The following STMN4 variants were observed in gnomAD, a reference collection of about 807,000 sequenced individuals.
The protein encoded by STMN4 is stathmin 4, also known as stathmin-4.
Under a neutral mutation model 29.1 loss-of-function variants are expected in STMN4, and 12 were observed. The ratio of observed to expected loss-of-function variants is 0.41; its 90% CI spans 0.26 to 0.67. STMN4 has a LOEUF of 0.67. STMN4 is among the 30% of genes least tolerant of loss of function. The pLI, the probability that STMN4 is intolerant of heterozygous loss-of-function variation, is 0.30. For missense variants in STMN4, 181 were observed against 262.8 expected (o/e 0.69, Z 2.15); for synonymous variants, 114 against 105.3 (o/e 1.08, Z -0.51).
At chr8:27,249,525 G>A (rs1270438011) in intron 1 of STMN4, among the ~76,000 whole-genome samples, 4 of 152,182 alleles carry the variant, frequency 2.6e-5, no homozygotes, top group Non-Finnish European at 4.4e-5. Flanking sequence ...CTGAGGTCAC[G>A]CAGAGAACTC....
chr8:27,253,347 C>T (rs775991825), intron 1 of STMN4, among the ~76,000 whole-genome samples: 22 of 152,154 alleles, frequency 1.4e-4, no homozygotes, highest in Non-Finnish European at 2.4e-4. Context: ...CTATATTTCA[C>T]TACATTAAGA....
At chr8:27,239,015 C>G (rs1333312611) in intron 6 of STMN4, among the ~76,000 whole-genome samples, 1 of 152,256 alleles carries the variant, frequency 6.6e-6, no homozygotes, top group Non-Finnish European at 1.5e-5. Flanking sequence ...CGACCCAGAT[C>G]ACCTCCCTCC....
At chr8:27,247,456 T>A (rs1193345789) in intron 1 of STMN4, among the ~76,000 whole-genome samples, 1 of 152,156 alleles carries the variant, frequency 6.6e-6, no homozygotes, top group African/African-American at 2.4e-5. Flanking sequence ...TCTTTGCCAC[T>A]GGGTGGCGCC....
chr8:27,243,911 C>T (rs1801550073), intron 1 of STMN4, 110 bp from the exon 2 acceptor site: 6 of 987,468 alleles, frequency 6.1e-6, no homozygotes, highest in South Asian at 1.6e-5. Context: ...CTCATTTGCT[C>T]TTCCTCCAGG....
At chr8:27,242,030 A>C in intron 3 of STMN4, 1 of 569,838 alleles carries the variant, frequency 1.8e-6, no homozygotes, top group Non-Finnish European at 3.1e-6. Flanking sequence ...AGACCTGTTG[A>C]CCTGGAAACT....
chr8:27,241,664 G>A lies in STMN4; in HGVS notation c.190+13C>T, dbSNP rs569281361. 6.2e-7 allele frequency: 1 copy of A among 1,614,072 alleles called. No homozygotes were observed. The highest frequency in any genetic ancestry group is 8.5e-7 in the Non-Finnish European group (1 of 1,179,962). On this transcript the variant is annotated intron_variant, in intron 4 of 6. Transcript: ENST00000350889. ...GCTCGGCCTGCGGAATCCCTCCGCT[G>A]CCTCCCTCCTACCCTGAGCTCTTCT... is the stretch of plus-strand genomic sequence containing the variant.
At chr8:27,241,334 G>A (rs1267774777) in intron 4 of STMN4, 72 bp from the exon 5 acceptor site, 4 of 1,585,896 alleles carry the variant, frequency 2.5e-6, no homozygotes, top group Non-Finnish European at 3.4e-6. Flanking sequence ...TGCGGCGCAT[G>A]CACACGGGAG....
intron 1 of STMN4, among the ~76,000 whole-genome samples, chr8:27,249,609 C>A (rs1167625843): frequency 2.0e-5 from 3 of 152,184 alleles, no homozygotes; most frequent in East Asian, 1.9e-4. Flanking sequence ...TCCCCAAACA[C>A]CATCCTGGAT....
chr8:27,242,176 TG>T (rs927663156), intron 3 of STMN4: 1 of 590,510 alleles, frequency 1.7e-6, no homozygotes, highest in South Asian at 2.1e-5. Context: ...GAGTGCACTC[TG>T]GGGGGCGCCT....
At chr8:27,252,819 A>G (rs1434291156) in intron 1 of STMN4, among the ~76,000 whole-genome samples, 1 of 152,208 alleles carries the variant, frequency 6.6e-6, no homozygotes, top group Non-Finnish European at 1.5e-5. Flanking sequence ...GCAATGGATG[A>G]TTGCTGATGG....
chr8:27,251,250 C>G (rs1026270452), intron 1 of STMN4, among the ~76,000 whole-genome samples: 2 of 150,032 alleles, frequency 1.3e-5, no homozygotes, highest in African/African-American at 4.9e-5. Context: ...GAGACTTCAT[C>G]TCAAAAAATA....
chr8:27,240,980 G>C, intron 5 of STMN4, 74 bp downstream of exon 5: 2 of 1,469,964 alleles, frequency 1.4e-6, no homozygotes, highest in Non-Finnish European at 1.8e-6. Flanking sequence ...CCCAGCTCAG[G>C]TCCACCACCT....
At chr8:27,250,184 G>C (rs1205232531) in intron 1 of STMN4, among the ~76,000 whole-genome samples, 1 of 152,146 alleles carries the variant, frequency 6.6e-6, no homozygotes, top group Non-Finnish European at 1.5e-5. Context: ...AGCTGCATAA[G>C]CTATCTAAAT....
intron 1 of STMN4, among the ~76,000 whole-genome samples, chr8:27,249,240 T>C (rs1221016690): frequency 6.6e-6 from 1 of 151,910 alleles, no homozygotes; most frequent in East Asian, 1.9e-4. Context: ...GTGGTTAAAG[T>C]GAAGAGATCA....
At chr8:27,253,123 C>T (rs1212918182) in intron 1 of STMN4, among the ~76,000 whole-genome samples, 5 of 152,214 alleles carry the variant, frequency 3.3e-5, no homozygotes, top group Non-Finnish European at 7.3e-5. Flanking sequence ...ATTCCTACCT[C>T]TTTTCAGAGG....
intron 1 of STMN4, among the ~76,000 whole-genome samples, chr8:27,250,530 G>A (rs1016659043): frequency 2.9e-4 from 44 of 152,274 alleles, no homozygotes; most frequent in East Asian, 9.7e-4. Context: ...GGTCTTCCGC[G>A]ATAATGTGGA....
intron 1 of STMN4, among the ~76,000 whole-genome samples, chr8:27,247,278 A>G (rs937401116): frequency 1.4e-5 from 2 of 147,908 alleles, no homozygotes; most frequent in African/African-American, 2.5e-5. Context: ...AAAAAAGATG[A>G]TCTATTTACT....
intron 1 of STMN4, among the ~76,000 whole-genome samples, chr8:27,247,463 C>A (rs200077214): frequency 1.3e-5 from 2 of 152,136 alleles, no homozygotes; most frequent in African/African-American, 4.8e-5. Flanking sequence ...CACTGGGTGG[C>A]GCCAGCCATG....
chr8:27,248,637 C>T (rs767024649), intron 1 of STMN4, among the ~76,000 whole-genome samples: 3 of 152,190 alleles, frequency 2.0e-5, no homozygotes, highest in Non-Finnish European at 2.9e-5. Context: ...GCAGGAAAAG[C>T]ACGGCTGTTA....
Sources: allele counts gnomAD v4.1 joint callset (sites outside exome capture counted in the v4.1 genomes callset), GRCh38; gene constraint gnomAD v4.1.1; transcripts MANE v1.5; gene names NCBI Gene and HGNC (gene_info 2026-07-23, HGNC 2026-07-21).